Variants in UNC13C observed in about 807,000 individuals in gnomAD.
UNC13C encodes the protein protein unc-13 homolog C.
Under a neutral mutation model 245.4 loss-of-function variants are expected in UNC13C, and 174 were observed. The observed-to-expected ratio is 0.71, with a 90% CI of 0.63 to 0.80. UNC13C has a LOEUF of 0.80. UNC13C is among the 30% of genes least tolerant of loss of function. UNC13C has a pLI of 0.00. For missense variants in UNC13C, 2,829 were observed against 2,602.9 expected (o/e 1.09, Z -1.89); for synonymous variants, 992 against 895.1 (o/e 1.11, Z -1.93).
intron 28 of UNC13C, among the ~76,000 whole-genome samples, chr15:54,553,413 TATATA>T (rs1330333880): frequency 7.7e-6 from 1 of 129,468 alleles, no homozygotes; most frequent in African/African-American, 2.8e-5. Flanking sequence ...TATATTGTAA[TATATA>T]ATATTATATA....
chr15:54,457,642 C>T (rs576669836), intron 19 of UNC13C, among the ~76,000 whole-genome samples: 14 of 152,070 alleles, frequency 9.2e-5, no homozygotes, highest in South Asian at 2.1e-4. Flanking sequence ...ATATCCTCTA[C>T]GTTTTCCAGT....
intron 20 of UNC13C, among the ~76,000 whole-genome samples, chr15:54,496,516 A>G (rs962339756): frequency 3.3e-5 from 5 of 152,158 alleles, no homozygotes; most frequent in Non-Finnish European, 7.4e-5. Context: ...TAGCAGCACA[A>G]TTCACAATTT....
intron 2 of UNC13C, among the ~76,000 whole-genome samples, chr15:54,024,551 G>A (rs1463431174): frequency 6.6e-6 from 1 of 150,874 alleles, no homozygotes; most frequent in Non-Finnish European, 1.5e-5. Context: ...CTGTAAAACT[G>A]GACAGAGCTA....
intron 15 of UNC13C, 149 bp from the exon 16 acceptor site, chr15:54,333,618 A>T: frequency 1.7e-6 from 1 of 578,982 alleles, no homozygotes. Flanking sequence ...ATGTTTTATG[A>T]CAAAAATATT....
At chr15:54,134,176 T>C (rs1392795810) in intron 2 of UNC13C, among the ~76,000 whole-genome samples, 2 of 152,044 alleles carry the variant, frequency 1.3e-5, no homozygotes, top group Admixed American at 1.3e-4. Context: ...AATTTATTCA[T>C]CTTATAACTG....
chr15:54,538,469 A>T (rs1322344542), intron 26 of UNC13C, among the ~76,000 whole-genome samples: 1 of 152,120 alleles, frequency 6.6e-6, no homozygotes, highest in Non-Finnish European at 1.5e-5. Context: ...CAGAACCTCC[A>T]TTCAACCCAG....
rs189384187 is a variant in UNC13C, at chr15:54,505,705, G to A, written c.5302-1412G>A. Among the ~76,000 whole-genome samples the A allele has an allele frequency of 2.6e-3, 397 of 150,408 alleles. 2 individuals carry two copies. The highest frequency in any genetic ancestry group is 9.3e-3 in the African/African-American group (378 of 40,822). ...AAGATGGGAGTTATTACGGCAGTGT[G>A]CTTGCAACTCTTATAGGCACACAGC... On this transcript the variant is annotated intron_variant, in intron 22 of 32. Coordinates refer to ENST00000260323, the MANE Select transcript of UNC13C (RefSeq NM_001080534.3).
intron 7 of UNC13C, among the ~76,000 whole-genome samples, chr15:54,240,691 G>A (rs2035828291): frequency 1.3e-5 from 2 of 152,098 alleles, no homozygotes. Flanking sequence ...AGGACTGATT[G>A]AGAATCTCAG....
intron 8 of UNC13C, among the ~76,000 whole-genome samples, chr15:54,254,653 CAGA>C (rs1404759223): frequency 2.6e-5 from 4 of 152,150 alleles, no homozygotes; most frequent in Non-Finnish European, 4.4e-5. Context: ...TGGCTGAGTT[CAGA>C]AGATTTAGTG....
intron 14 of UNC13C, among the ~76,000 whole-genome samples, chr15:54,329,404 A>G (rs2038382598): frequency 6.6e-6 from 1 of 151,812 alleles, no homozygotes. Flanking sequence ...TTTTGAACCT[A>G]TTATAGTATT....
chr15:54,265,982 T>A (rs1266083477), intron 10 of UNC13C, among the ~76,000 whole-genome samples: 1 of 152,064 alleles, frequency 6.6e-6, no homozygotes, highest in Non-Finnish European at 1.5e-5. Flanking sequence ...ACGAGGGCAT[T>A]TATTTTTAAA....
intron 17 of UNC13C, among the ~76,000 whole-genome samples, chr15:54,369,197 C>CA (rs1050019145): frequency 2.9e-5 from 4 of 139,250 alleles, no homozygotes; most frequent in African/African-American, 1.1e-4. Context: ...AACCTCCCCC[C>CA]CCCAAAAAAA....
intron 24 of UNC13C, among the ~76,000 whole-genome samples, chr15:54,516,229 G>A (rs1279341667): frequency 1.3e-5 from 2 of 152,152 alleles, no homozygotes; most frequent in Non-Finnish European, 2.9e-5. Context: ...CTTGCCACTA[G>A]CCTCTCAACT....
chr15:53,933,780 T>A, the UNC13C span, among the ~76,000 whole-genome samples: 123 of 152,316 alleles, frequency 8.1e-4, no homozygotes, highest in African/African-American at 2.8e-3. Flanking sequence ...ACTTTTAGGG[T>A]TCCGTTTATA....
At position 54,465,502 on chromosome 15, in the gene UNC13C, G is replaced by C. The variant is rs145373459; in HGVS notation, c.4934-29106G>C. Reference sequence around the variant, plus strand: ...AGCCATTAGTATAACTCCCTACTGAGTAAGAGGTCAACATGAAATGGTACT... The same window carrying C: ...AGCCATTAGTATAACTCCCTACTGACTAAGAGGTCAACATGAAATGGTACT... On this transcript the variant is annotated intron_variant, in intron 19 of 32. Coordinates refer to ENST00000260323, the MANE Select transcript of UNC13C (RefSeq NM_001080534.3). 3.3e-3 allele frequency among the ~76,000 whole-genome samples: 509 copies of C among 152,118 alleles called. 3 individuals are homozygous for C. Among genetic ancestry groups the C allele is most frequent in the Non-Finnish European group, 5.6e-3 (383 of 67,898 alleles).
the UNC13C span, among the ~76,000 whole-genome samples, chr15:53,849,171 GC>G: frequency 6.6e-6 from 1 of 151,752 alleles, no homozygotes; most frequent in Admixed American, 6.6e-5. Flanking sequence ...GATATTTTCT[GC>G]CTTTTGATGC....
At chr15:54,071,248 C>G (rs932691472) in intron 2 of UNC13C, among the ~76,000 whole-genome samples, 4 of 152,114 alleles carry the variant, frequency 2.6e-5, no homozygotes, top group Middle Eastern at 3.4e-3. Flanking sequence ...TTGTGGATAG[C>G]TATAAATATC....
At chr15:54,397,168 A>G (rs524349) in intron 18 of UNC13C, among the ~76,000 whole-genome samples, 32,780 of 151,484 alleles carry the variant, frequency 0.22, 4,566 homozygotes, top group Non-Finnish European at 0.3. Context: ...ATTTAAGTCT[A>G]TAATTCATTT....
chr15:54,372,711 T>A (rs2039515652), intron 17 of UNC13C, among the ~76,000 whole-genome samples: 1 of 152,206 alleles, frequency 6.6e-6, no homozygotes, highest in Non-Finnish European at 1.5e-5. Context: ...TTGTTTTACT[T>A]TGGATTCCCT....
Sources: gnomAD v4.1 joint callset for allele counts (sites outside exome capture counted in the v4.1 genomes callset) on GRCh38, gnomAD v4.1.1 for gene constraint, MANE v1.5 for transcripts, NCBI Gene and HGNC (gene_info 2026-07-23, HGNC 2026-07-21) for gene names.